Variants in ZDHHC15 observed in about 807,000 individuals in gnomAD.
ZDHHC15 encodes palmitoyltransferase ZDHHC15.
Under a neutral mutation model 31.7 loss-of-function variants are expected in ZDHHC15, and 19 were observed. That is an observed-to-expected ratio of 0.60 (90% CI 0.42 to 0.88). The LOEUF is 0.88. Among genes scored for constraint, ZDHHC15 ranks in the 40% least tolerant of loss-of-function variants. The pLI, the probability that ZDHHC15 is intolerant of heterozygous loss-of-function variation, is 0.00. For synonymous variants in ZDHHC15, 103 were observed against 90.0 expected (o/e 1.14, Z -0.82); for missense variants, 209 against 251.2 (o/e 0.83, Z 1.14).
At chrX:75,459,096 C>T (rs898888493) in intron 3 of ZDHHC15, among the ~76,000 whole-genome samples, 58 of 109,073 alleles carry the variant, frequency 5.3e-4, no homozygotes, top group African/African-American at 1.4e-3. Flanking sequence ...TGCAACCCAC[C>T]GATAAGGAGA....
In ZDHHC15 at chrX:75,372,483, C is replaced by A. The variant is rs1372987155; in HGVS notation, c.*495G>T. 2 of 111,717 alleles carry A rather than the reference C, an allele frequency of 1.8e-5. No homozygotes were observed. The highest frequency in any genetic ancestry group is 1.9e-4 in the Admixed American group (2 of 10,444). 9.2% of individuals were successfully genotyped at this position (111,717 alleles called of 1,213,427 possible). On this transcript the variant is annotated 3_prime_UTR_variant, in exon 12 of 12. Transcript: ENST00000373367. ...TTCAGGTTTTTAGCCCTGATTTTCA[C>A]ACTATAGCAGAATTTTGTATAGATA... is the stretch of plus-strand genomic sequence containing the variant.
chrX:75,480,236 T>C (rs909207800), intron 2 of ZDHHC15, among the ~76,000 whole-genome samples: 1 of 111,332 alleles, frequency 9.0e-6, no homozygotes, highest in African/African-American at 3.3e-5. Context: ...TTTGTAACTA[T>C]GAAATCTCAT....
At chrX:75,515,897 C>A (rs370550689) in intron 1 of ZDHHC15, among the ~76,000 whole-genome samples, 21 of 111,506 alleles carry the variant, frequency 1.9e-4, no homozygotes, top group Admixed American at 5.7e-4. Flanking sequence ...CTCAGGATAC[C>A]AAATCAATGT....
intron 3 of ZDHHC15, among the ~76,000 whole-genome samples, chrX:75,465,626 G>T (rs1168925446): frequency 9.0e-6 from 1 of 111,315 alleles, no homozygotes; most frequent in East Asian, 2.8e-4. Context: ...ACAGAAAACA[G>T]AACCCAGAAA....
chrX:75,421,755 T>C (rs886162446), intron 9 of ZDHHC15, 109 bp downstream of exon 9: 4 of 837,042 alleles, frequency 4.8e-6, no homozygotes, highest in Admixed American at 3.6e-5. Context: ...ACTTGGGGAA[T>C]AGAGTTTCAC....
At chrX:75,423,596 T>A (rs777647483) in intron 8 of ZDHHC15, among the ~76,000 whole-genome samples, 2 of 100,179 alleles carry the variant, frequency 2.0e-5, no homozygotes, top group South Asian at 1.0e-3. Flanking sequence ...TAGTTTGCCA[T>A]TGATGGACCT....
chrX:75,403,865 C>A (rs971847427), intron 10 of ZDHHC15, among the ~76,000 whole-genome samples: 1 of 111,495 alleles, frequency 9.0e-6, no homozygotes, highest in Non-Finnish European at 1.9e-5. Context: ...TTTCACTTAA[C>A]TAGACAAATG....
chrX:75,489,282 C>G (rs910132652), intron 2 of ZDHHC15, among the ~76,000 whole-genome samples: 1 of 112,058 alleles, frequency 8.9e-6, no homozygotes, highest in Non-Finnish European at 1.9e-5. Flanking sequence ...TGAGAACGGA[C>G]AGACTGCCTC....
intron 1 of ZDHHC15, 50 bp downstream of exon 1, chrX:75,522,839 G>A (rs1333233852): frequency 8.3e-7 from 1 of 1,201,054 alleles, no homozygotes; most frequent in Non-Finnish European, 1.1e-6. Context: ...TAGGGCAAAC[G>A]ATTATATTGG....
At chrX:75,484,898 C>T (rs1466925333) in intron 2 of ZDHHC15, among the ~76,000 whole-genome samples, 2 of 112,180 alleles carry the variant, frequency 1.8e-5, no homozygotes, top group African/African-American at 6.5e-5. Flanking sequence ...AAACAAGTTA[C>T]TTCATACACA....
rs1370978302 is a variant in ZDHHC15 at position 75,478,957 on chromosome X, G to C, written c.192C>G (p.Ile64Met). Residue 64 changes from isoleucine to methionine, a missense_variant, in exon 3 of 12, where the codon ATC becomes ATG. By Grantham distance (10) the Ile-to-Met change is conservative (BLOSUM62 1). Transcript: ENST00000373367. Reference sequence around the variant, plus strand: ...AGTAGGTCCAGGTAAAGAACACAAAGATGGCATGGTAGAGTATGAGGTAAA... The same window carrying C: ...AGTAGGTCCAGGTAAAGAACACAAACATGGCATGGTAGAGTATGAGGTAAA... ...KVIYLILYHA[I>M]FVFFTWTYWK... The C allele has an allele frequency of 8.3e-7, 1 of 1,202,154 alleles. No homozygotes were observed.
In ZDHHC15 at chrX:75,482,139, G is replaced by C. The variant is rs763854824; in HGVS notation, c.164-3154C>G. 8.1e-5 allele frequency among the ~76,000 whole-genome samples: 9 copies of C among 110,579 alleles called. No individual in the cohort carries two copies. In the East Asian group the frequency reaches 2.6e-3, roughly 32 times the overall value. On this transcript the variant is annotated intron_variant, in intron 2 of 11. Transcript: ENST00000373367. The stretch of plus-strand genomic sequence containing the variant: ...TGGAGACTACTGTGTTGGGGGGTGG[G>C]GAACAAGGGTTGAAAAACTACCTAT...
At position 75,522,914 on chromosome X, in the gene ZDHHC15, A is replaced by G. The variant is rs908693507; in HGVS notation, c.111T>C (p.Tyr37=). The change falls in exon 1 of 12, where the codon TAT becomes TAC. Residue 37 remains tyrosine, a synonymous_variant. Transcript: ENST00000373367. ...VIVLVVLWSY[Y]AYVFELCLVT... ...CCAGGCAGAGTTCAAAGACGTAGGC[A>G]TAGTAGGACCAGAGCACGACGAGGA... 8.3e-7 allele frequency: 1 copy of G among 1,211,961 alleles called. No individual in the cohort carries two copies. The highest frequency in any genetic ancestry group is 2.2e-5 in the Admixed American group (1 of 46,092).
chrX:75,395,494 A>C (rs373008640), intron 10 of ZDHHC15, among the ~76,000 whole-genome samples: 1 of 111,610 alleles, frequency 9.0e-6, no homozygotes, highest in Non-Finnish European at 1.9e-5. Context: ...TTAACCAAAG[A>C]AGTGAAAAAT....
chrX:75,410,339 A>G (rs2083471169), intron 10 of ZDHHC15, among the ~76,000 whole-genome samples: 1 of 111,267 alleles, frequency 9.0e-6, no homozygotes, highest in Non-Finnish European at 1.9e-5. Flanking sequence ...ACCAGAATAT[A>G]TAAGGAGCTC....
intron 9 of ZDHHC15, among the ~76,000 whole-genome samples, chrX:75,419,913 C>A (rs867351611): frequency 2.8e-4 from 23 of 82,543 alleles, no homozygotes; most frequent in African/African-American, 1.1e-3. Context: ...AACACATGGA[C>A]ACAGGAAGGG....
At chrX:75,378,965 T>C (rs780472715) in intron 11 of ZDHHC15, among the ~76,000 whole-genome samples, 155 bp downstream of exon 11, 15 of 111,496 alleles carry the variant, frequency 1.3e-4, no homozygotes, top group African/African-American at 3.9e-4. Context: ...AGGGAAATTA[T>C]GTATAGAACT....
intron 4 of ZDHHC15, among the ~76,000 whole-genome samples, chrX:75,435,226 T>C (rs1201141549): frequency 8.9e-6 from 1 of 111,912 alleles, no homozygotes; most frequent in African/African-American, 3.2e-5. Flanking sequence ...ATTGATCAGA[T>C]CCAGGAGCTT....
chrX:75,465,805 G>T (rs1469028157), intron 3 of ZDHHC15, among the ~76,000 whole-genome samples: 2 of 111,496 alleles, frequency 1.8e-5, no homozygotes, highest in Middle Eastern at 4.6e-3. Flanking sequence ...ACTCAAGATG[G>T]ATTAAAAGAC....
Sources: gnomAD v4.1 joint callset for allele counts (sites outside exome capture counted in the v4.1 genomes callset) on GRCh38, gnomAD v4.1.1 for gene constraint, MANE v1.5 for transcripts, NCBI Gene and HGNC (gene_info 2026-07-23, HGNC 2026-07-21) for gene names.